RHEB: variants seen among roughly 807,000 people sequenced by gnomAD.
The protein encoded by RHEB is Ras homolog, mTORC1 binding, also known as GTP-binding protein Rheb.
RHEB carries 2 observed loss-of-function variants against 28.8 expected under a neutral mutation model. The observed-to-expected ratio is 0.07, with a 90% confidence interval of 0.03 to 0.22. The LOEUF (loss-of-function observed/expected upper bound fraction) is 0.22. Among genes scored for constraint, RHEB ranks in the 10% least tolerant of loss-of-function variants. The pLI is 1.00. For missense variants in RHEB, 76 were observed against 219.9 expected, an observed-to-expected ratio of 0.35 and a Z score of 4.14; for synonymous variants, 69 against 77.3, an observed-to-expected ratio of 0.89 and a Z score of 0.56.
At chr7:151,493,581 TCTTAG>T (rs1802624969) in intron 1 of RHEB, among the ~76,000 whole-genome samples, 1 of 151,654 alleles carries the variant, frequency 6.6e-6, no homozygotes, top group African/African-American at 2.4e-5. Context: ...CAAAGGTCAC[TCTTAG>T]CCATTTAGAT....
intron 1 of RHEB, among the ~76,000 whole-genome samples, chr7:151,508,282 C>T (rs961920162): frequency 5.3e-5 from 8 of 152,196 alleles, no homozygotes; most frequent in Non-Finnish European, 1.0e-4. Flanking sequence ...ACTCATCCGT[C>T]AGCCTGAATG....
intron 2 of RHEB, among the ~76,000 whole-genome samples, chr7:151,486,542 T>C (rs1005686656): frequency 6.6e-6 from 1 of 152,072 alleles, no homozygotes; most frequent in Non-Finnish European, 1.5e-5. Flanking sequence ...AAAAAGTCAA[T>C]GCAGCTAAAG....
intron 1 of RHEB, among the ~76,000 whole-genome samples, chr7:151,509,579 G>A (rs369577656): frequency 6.6e-6 from 1 of 152,068 alleles, no homozygotes; most frequent in Non-Finnish European, 1.5e-5. Context: ...TCTACTCTGC[G>A]CCTTGGCTGG....
chr7:151,489,216 A>G (rs1030915975), intron 2 of RHEB, among the ~76,000 whole-genome samples: 2 of 152,232 alleles, frequency 1.3e-5, no homozygotes, highest in African/African-American at 4.8e-5. Context: ...GAACCTTATT[A>G]TTTCAAGGAT....
At chr7:151,502,025 C>A (rs1307182952) in intron 1 of RHEB, 2 of 468,442 alleles carry the variant, frequency 4.3e-6, no homozygotes, top group Non-Finnish European at 8.0e-6. Context: ...CACCTGAGGT[C>A]AGGAGTTCAA....
chr7:151,473,991 C>T (rs571686575), intron 4 of RHEB, among the ~76,000 whole-genome samples: 22 of 152,198 alleles, frequency 1.4e-4, no homozygotes, highest in East Asian at 3.9e-4. Flanking sequence ...CGGAAGAAAC[C>T]GAACCAGAAG....
intron 2 of RHEB, among the ~76,000 whole-genome samples, chr7:151,486,952 G>T (rs543658604): frequency 6.6e-6 from 1 of 152,324 alleles, no homozygotes; most frequent in African/African-American, 2.4e-5. Flanking sequence ...GAAGGGAAAT[G>T]AGTTGGGTTT....
At chr7:151,476,619 A>G (rs917410400) in intron 4 of RHEB, among the ~76,000 whole-genome samples, 2 of 152,266 alleles carry the variant, frequency 1.3e-5, no homozygotes, top group Non-Finnish European at 2.9e-5. Context: ...TATGTAGGCA[A>G]AGAGAGTAGC....
intron 1 of RHEB, among the ~76,000 whole-genome samples, chr7:151,515,116 A>G (rs949982076): frequency 2.0e-5 from 3 of 152,066 alleles, no homozygotes; most frequent in African/African-American, 7.2e-5. Flanking sequence ...CAATTGACAA[A>G]TGCATAGAAA....
At chr7:151,517,370 GA>G (rs761761069) in intron 1 of RHEB, among the ~76,000 whole-genome samples, 1,619 of 61,640 alleles carry the variant, frequency 0.026, 61 homozygotes, top group East Asian at 0.17. Flanking sequence ...CTCCGTCTCG[GA>G]AAAAAAAAAA....
chr7:151,518,045 A>C (rs1803113036), intron 1 of RHEB: 1 of 152,022 alleles, frequency 6.6e-6, no homozygotes, highest in Admixed American at 6.5e-5. Context: ...ATATTTGAAC[A>C]ATTAGTGACT....
chr7:151,500,467 T>C (rs959006872), intron 1 of RHEB, among the ~76,000 whole-genome samples: 1 of 152,138 alleles, frequency 6.6e-6, no homozygotes, highest in South Asian at 2.1e-4. Flanking sequence ...AATAGATCTA[T>C]ACACATGTAT....
At chr7:151,514,270 T>C (rs1176175327) in intron 1 of RHEB, among the ~76,000 whole-genome samples, 1 of 152,056 alleles carries the variant, frequency 6.6e-6, no homozygotes, top group African/African-American at 2.4e-5. Flanking sequence ...GGATAAAATA[T>C]CTAGAAGAAA....
intron 1 of RHEB, among the ~76,000 whole-genome samples, chr7:151,495,679 G>T (rs1414715683): frequency 2.6e-5 from 4 of 152,174 alleles, no homozygotes; most frequent in Non-Finnish European, 4.4e-5. Flanking sequence ...AGCCCGGTGT[G>T]GTGGCTCATG....
At chr7:151,493,642 T>C (rs1584858870) in intron 1 of RHEB, among the ~76,000 whole-genome samples, 1 of 152,164 alleles carries the variant, frequency 6.6e-6, no homozygotes, top group East Asian at 1.9e-4. Context: ...CAAAACACAG[T>C]TCAACAGAAA....
chr7:151,473,708 GA>G (rs1224711191), intron 4 of RHEB, among the ~76,000 whole-genome samples: 5 of 151,838 alleles, frequency 3.3e-5, no homozygotes, highest in East Asian at 1.9e-4. Context: ...CGAGCTACTA[GA>G]AAAAAAAGGC....
intron 2 of RHEB, 108 bp downstream of exon 2, chr7:151,490,835 A>C: frequency 1.2e-6 from 1 of 843,312 alleles, no homozygotes; most frequent in Non-Finnish European, 2.1e-6. Context: ...CCCAATTGGG[A>C]GACACACAGA....
rs1175555661 is a variant in RHEB at position 151,466,495 on chromosome 7, G to A, written c.*624C>T. On this transcript the variant is annotated 3_prime_UTR_variant, in exon 8 of 8. Transcript: ENST00000262187. ...AGGAACTCCCCTCACAGACCCCCCA[G>A]GGCCACTCAGCTTCAATCAGCTGTA... The A allele has an allele frequency of 1.3e-5, 2 of 152,858 alleles. No homozygotes were observed. Among genetic ancestry groups the A allele is most frequent in the Admixed American group, 6.5e-5 (1 of 15,284 alleles). 9.5% of individuals were successfully genotyped at this position (152,858 alleles called of 1,614,324 possible). A position where few individuals can be genotyped will look rare whatever the true frequency, so the allele number is the denominator to read the frequency against.
intron 4 of RHEB, among the ~76,000 whole-genome samples, chr7:151,474,668 A>G (rs1392572169): frequency 1.3e-5 from 2 of 152,202 alleles, no homozygotes. Context: ...CCATTTCTAG[A>G]AATTATGAAA....
Sources: allele counts gnomAD v4.1 joint callset (sites outside exome capture counted in the v4.1 genomes callset), GRCh38; gene constraint gnomAD v4.1.1; transcripts MANE v1.5; gene names NCBI Gene and HGNC (gene_info 2026-07-23, HGNC 2026-07-21).